Variants in RGS20 observed in about 807,000 individuals in gnomAD.
RGS20 encodes the protein gz-selective GTPase-activating protein.
Under a neutral mutation model 33.6 loss-of-function variants are expected in RGS20, and 30 were observed. The ratio of observed to expected loss-of-function variants is 0.89; its 90% CI spans 0.67 to 1.21. The LOEUF (loss-of-function observed/expected upper bound fraction) is 1.21, where lower values mean the gene tolerates loss of function less well. Ranked by LOEUF, RGS20 falls within the 50% of genes most tolerant of loss-of-function variation. The pLI is 0.00. For missense variants in RGS20, 472 were observed against 502.4 expected, an observed-to-expected ratio of 0.94 and a Z score of 0.58; for synonymous variants, 208 against 197.9, an observed-to-expected ratio of 1.05 and a Z score of -0.43.
Position 53,875,830 on chromosome 8 carries a change from T to C in RGS20, c.166-3428T>C, listed in dbSNP as rs7827873. Among the ~76,000 whole-genome samples the C allele has an allele frequency of 1.5e-3, 230 of 152,332 alleles. 2 individuals are homozygous for C. Among genetic ancestry groups the C allele is most frequent in the African/African-American group, 4.8e-3 (199 of 41,580 alleles). On this transcript the variant is annotated intron_variant, in intron 1 of 5. Transcript: ENST00000297313. ...GTATGTTCACAAGGAACATTAAGAT[T>C]CTGAAGGAACCTTAATAATAGAAAC... is the stretch of plus-strand genomic sequence containing the variant.
At chr8:53,901,060 CTCTT>C (rs1439192828) in intron 2 of RGS20, among the ~76,000 whole-genome samples, 2 of 146,332 alleles carry the variant, frequency 1.4e-5, no homozygotes, top group Non-Finnish European at 3.0e-5. Context: ...TCATACTTGT[CTCTT>C]TTTTTTTTTT....
chr8:53,897,823 A>G (rs1321272282), intron 2 of RGS20, among the ~76,000 whole-genome samples: 2 of 152,248 alleles, frequency 1.3e-5, no homozygotes, highest in Non-Finnish European at 1.5e-5. Flanking sequence ...GTTGCATCAC[A>G]TCAGAGGGAC....
At chr8:53,859,998 G>A (rs181952226) in intron 1 of RGS20, among the ~76,000 whole-genome samples, 3 of 152,212 alleles carry the variant, frequency 2.0e-5, no homozygotes, top group African/African-American at 4.8e-5. Context: ...AAACCATATC[G>A]GGGAGTAAAC....
chr8:53,882,437 C>T (rs563529916), intron 2 of RGS20, among the ~76,000 whole-genome samples: 1 of 152,244 alleles, frequency 6.6e-6, no homozygotes, highest in Non-Finnish European at 1.5e-5. Flanking sequence ...AGCTCGCGGA[C>T]AGGCGAGGGG....
intron 2 of RGS20, among the ~76,000 whole-genome samples, chr8:53,934,303 T>C (rs1216821597): frequency 6.6e-6 from 1 of 152,186 alleles, no homozygotes; most frequent in African/African-American, 2.4e-5. Flanking sequence ...AATTAAAAGA[T>C]GCAGACTGGC....
At chr8:53,884,844 A>G (rs2129275791) in intron 2 of RGS20, among the ~76,000 whole-genome samples, 1 of 152,364 alleles carries the variant, frequency 6.6e-6, no homozygotes, top group Admixed American at 6.5e-5. Context: ...CCCTCACATT[A>G]TAAGACATGA....
chr8:53,926,242 G>C (rs1047778406), intron 2 of RGS20, among the ~76,000 whole-genome samples: 5 of 152,136 alleles, frequency 3.3e-5, no homozygotes, highest in Non-Finnish European at 7.3e-5. Flanking sequence ...TTTGGGATTT[G>C]AGTCTCCTCC....
In RGS20 at chr8:53,852,278, A is replaced by G. The variant is rs186077728; in HGVS notation, c.165+214A>G. 1.1e-4 allele frequency among the ~76,000 whole-genome samples: 16 copies of G among 152,358 alleles called. No homozygotes were observed. In the East Asian group the frequency reaches 2.9e-3, roughly 28 times the overall value. ...TCTCCAATCTAAACAGATTCCCTTTACCAAAATAAATTATTATGTATTGCT... is the reference window on the plus strand; with the variant it reads ...TCTCCAATCTAAACAGATTCCCTTTGCCAAAATAAATTATTATGTATTGCT... On this transcript the variant is annotated intron_variant, in intron 1 of 5. Coordinates refer to ENST00000297313, the MANE Select transcript of RGS20 (RefSeq NM_170587.4).
intron 1 of RGS20, among the ~76,000 whole-genome samples, chr8:53,867,958 C>A (rs986440275): frequency 6.6e-6 from 1 of 152,180 alleles, no homozygotes; most frequent in African/African-American, 2.4e-5. Flanking sequence ...TGCCTCTGCT[C>A]AAAAGATCTG....
At chr8:53,858,676 A>C (rs892634484) in intron 1 of RGS20, among the ~76,000 whole-genome samples, 2 of 152,150 alleles carry the variant, frequency 1.3e-5, no homozygotes, top group South Asian at 4.1e-4. Context: ...GAAAAGGGCG[A>C]TGGCACATGA....
At chr8:53,882,068 C>G (rs1318132804) in intron 2 of RGS20, among the ~76,000 whole-genome samples, 1 of 151,824 alleles carries the variant, frequency 6.6e-6, no homozygotes, top group Non-Finnish European at 1.5e-5. Flanking sequence ...GTGGCTTTCC[C>G]GTCTCTGTGT....
At chr8:53,949,165 A>G (rs1368401901) in intron 4 of RGS20, among the ~76,000 whole-genome samples, 20 of 83,986 alleles carry the variant, frequency 2.4e-4, no homozygotes, top group African/African-American at 7.2e-4. Flanking sequence ...ATATTTATAT[A>G]TGCTATATAA....
At chr8:53,888,993 T>G (rs1812624408) in intron 2 of RGS20, among the ~76,000 whole-genome samples, 1 of 152,260 alleles carries the variant, frequency 6.6e-6, no homozygotes, top group African/African-American at 2.4e-5. Flanking sequence ...GTGGAGCTAT[T>G]ATGAATAATG....
chr8:53,889,459 G>C lies in RGS20; in HGVS notation c.510+9857G>C, dbSNP rs558854087. Among the ~76,000 whole-genome samples the C allele has an allele frequency of 4.7e-3, 372 of 78,764 alleles. 1 individual carries two copies. The highest frequency in any genetic ancestry group is 0.017 in the South Asian group (38 of 2,242). The allele number at this position is 78,764 out of a possible 152,430, so 51.7% of individuals were successfully genotyped here. On this transcript the variant is annotated intron_variant, in intron 2 of 5. Coordinates refer to ENST00000297313, the MANE Select transcript of RGS20 (RefSeq NM_170587.4). ...TTTTTTTTTTTTTTTTTTGAGACAG[G>C]GTCTCACTCTGTTGCCCAGGCTGGA... is the stretch of plus-strand genomic sequence containing the variant.
chr8:53,881,400 G>A (rs1277488661), intron 2 of RGS20, among the ~76,000 whole-genome samples: 1 of 152,134 alleles, frequency 6.6e-6, no homozygotes, highest in Admixed American at 6.5e-5. Flanking sequence ...GAACGCGGGA[G>A]TCTAGTCTTT....
intron 2 of RGS20, among the ~76,000 whole-genome samples, chr8:53,896,593 A>G (rs1812869073): frequency 6.6e-6 from 1 of 152,240 alleles, no homozygotes; most frequent in African/African-American, 2.4e-5. Context: ...AAGCAATGAC[A>G]GTTTTAATTC....
At chr8:53,950,720 T>G (rs547186873) in intron 4 of RGS20, among the ~76,000 whole-genome samples, 1 of 152,220 alleles carries the variant, frequency 6.6e-6, no homozygotes, top group South Asian at 2.1e-4. Flanking sequence ...GTTCAAGTGA[T>G]TCTCCTGCCT....
At position 53,954,304 on chromosome 8, in the gene RGS20, T is replaced by G; in HGVS notation, c.972T>G (p.Pro324=). The change falls in exon 5 of 6, where the codon CCT becomes CCG. Residue 324 remains proline (P), a synonymous_variant. Transcript: ENST00000297313. ...AAGACTACATTTCTATACTTTCTCC[T>G]AAGGAGGTATGTGACCACGAGATGC... is the stretch of plus-strand genomic sequence containing the variant. 1 of 1,596,230 alleles carries G rather than the reference T, an allele frequency of 6.3e-7. No homozygotes were observed. Among genetic ancestry groups the G allele is most frequent in the Non-Finnish European group, 8.6e-7 (1 of 1,164,804 alleles).
In RGS20 at chr8:53,879,247, C is replaced by T. The variant is rs201458493; in HGVS notation, c.166-11C>T. 4 of 1,610,442 alleles carry T rather than the reference C, an allele frequency of 2.5e-6. No individual in the cohort carries two copies. Among genetic ancestry groups the T allele is most frequent in the African/African-American group, 2.7e-5 (2 of 74,876 alleles). On this transcript the variant is annotated splice_polypyrimidine_tract_variant and intron_variant, in intron 1 of 5. Coordinates refer to ENST00000297313, the MANE Select transcript of RGS20 (RefSeq NM_170587.4). ...CCGTATGCTGGTTTTGTTTCTCTCT[C>T]CCCACCCCAGTCCTTCCCGCCTGCA... is the stretch of plus-strand genomic sequence containing the variant.
Sources: gnomAD v4.1 joint callset for allele counts (sites outside exome capture counted in the v4.1 genomes callset) on GRCh38, gnomAD v4.1.1 for gene constraint, MANE v1.5 for transcripts, NCBI Gene and HGNC (gene_info 2026-07-23, HGNC 2026-07-21) for gene names.